LRRIQ3: variants seen among roughly 807,000 people sequenced by gnomAD.
LRRIQ3 encodes the protein leucine rich repeats and IQ motif containing 3.
LRRIQ3 carries 75 observed loss-of-function variants against 59.3 expected under a neutral mutation model. The observed-to-expected ratio is 1.26, with a 90% CI of 1.05 to 1.53. The LOEUF (loss-of-function observed/expected upper bound fraction) is 1.53, where lower values mean the gene tolerates loss of function less well. Among genes scored for constraint, LRRIQ3 ranks in the 40% most tolerant of loss-of-function variants. The probability of loss-of-function intolerance (pLI) is 0.00; values close to 1 mark genes in which losing one functional copy is unlikely to be tolerated. For missense variants in LRRIQ3, 831 were observed against 710.0 expected, an observed-to-expected ratio of 1.17 and a Z score of -1.94; for synonymous variants, 250 against 231.3, an observed-to-expected ratio of 1.08 and a Z score of -0.73.
intron 4 of LRRIQ3, among the ~76,000 whole-genome samples, chr1:74,140,413 T>C (rs1241490201): frequency 1.3e-5 from 2 of 151,712 alleles, no homozygotes; most frequent in East Asian, 1.9e-4. Flanking sequence ...GTTCAAAATA[T>C]GCAAAACAAA....
In LRRIQ3 at chr1:74,074,723, C is replaced by A. The variant is rs1646183002; in HGVS notation, c.935G>T (p.Cys312Phe). Reference protein sequence around the residue: ...EHRKHVSSILCELKPKDLGMK... With the variant: ...EHRKHVSSILFELKPKDLGMK... ...GCCTAGATCTTTTGGTTTTAATTCA[C>A]ATAAAATAGATGACACATGTTTTCT... The change falls in exon 6 of 8, where the codon TGT becomes TTT. Residue 312 changes from cysteine to phenylalanine, a missense_variant. Coordinates refer to ENST00000354431, the MANE Select transcript of LRRIQ3 (RefSeq NM_001105659.2). The A allele has an allele frequency of 6.9e-7, 1 of 1,458,930 alleles. No homozygotes were observed. Among genetic ancestry groups the A allele is most frequent in the Admixed American group, 2.1e-5 (1 of 48,322 alleles). The allele number at this position is 1,458,930 out of a possible 1,614,324, so 90.4% of individuals were successfully genotyped here.
intron 3 of LRRIQ3, among the ~76,000 whole-genome samples, chr1:74,159,436 C>T (rs1442645094): frequency 2.6e-5 from 4 of 152,074 alleles, no homozygotes; most frequent in East Asian, 1.9e-4. Flanking sequence ...TAATCATTAT[C>T]GTTGGCCTCC....
rs548817492 is a variant in LRRIQ3, at chr1:74,083,527, A to G, written c.868-8737T>C. 7 of 151,882 alleles carry G rather than the reference A, an allele frequency of 4.6e-5. No individual in the cohort carries two copies. The South Asian group carries it at 1.5e-3, about 31-fold the overall frequency. 9.4% of individuals were successfully genotyped at this position (151,882 alleles called of 1,614,324 possible). The stretch of plus-strand genomic sequence containing the variant: ...GACTGTAAGTCTCTCTGGGCTTTGT[A>G]GGTGAATTTTGTCAGCAAAACCCAG... On this transcript the variant is annotated intron_variant, in intron 5 of 7. Transcript: ENST00000354431.
chr1:74,122,870 A>G (rs1393501591), intron 4 of LRRIQ3, among the ~76,000 whole-genome samples: 1 of 152,160 alleles, frequency 6.6e-6, no homozygotes, highest in Non-Finnish European at 1.5e-5. Context: ...AGCAAAAGAA[A>G]CTACCATCAG....
At chr1:74,039,873 A>ACC (rs1653990283) in intron 7 of LRRIQ3, among the ~76,000 whole-genome samples, 1 of 152,324 alleles carries the variant, frequency 6.6e-6, no homozygotes, top group African/African-American at 2.4e-5. Flanking sequence ...AAGAAACTGT[A>ACC]CCAACTAGTG....
At chr1:74,164,047 T>C (rs969288969) in intron 3 of LRRIQ3, among the ~76,000 whole-genome samples, 1 of 151,592 alleles carries the variant, frequency 6.6e-6, no homozygotes, top group Non-Finnish European at 1.5e-5. Context: ...TACCCTTTGG[T>C]GAAATTCCTC....
intron 4 of LRRIQ3, among the ~76,000 whole-genome samples, chr1:74,112,620 A>T (rs1646713360): frequency 6.6e-6 from 1 of 152,140 alleles, no homozygotes; most frequent in Non-Finnish European, 1.5e-5. Flanking sequence ...TGATACTAAA[A>T]AAGTTCAGAC....
intron 3 of LRRIQ3, among the ~76,000 whole-genome samples, chr1:74,175,402 T>A (rs1201048812): frequency 6.6e-6 from 1 of 152,118 alleles, no homozygotes; most frequent in Non-Finnish European, 1.5e-5. Flanking sequence ...TCCCATATTC[T>A]GACTGAGGCA....
chr1:74,064,586 G>C (rs914253243), intron 6 of LRRIQ3, among the ~76,000 whole-genome samples: 3 of 151,964 alleles, frequency 2.0e-5, no homozygotes, highest in Non-Finnish European at 2.9e-5. Flanking sequence ...CACCTTCTAA[G>C]GCACATCTTT....
intron 5 of LRRIQ3, among the ~76,000 whole-genome samples, chr1:74,096,363 C>T (rs1646449601): frequency 1.3e-5 from 2 of 152,106 alleles, no homozygotes; most frequent in Non-Finnish European, 2.9e-5. Flanking sequence ...CCCTGAACTA[C>T]ACTTTGAGAA....
chr1:74,192,622 C>T (rs1403674929), intron 1 of LRRIQ3, among the ~76,000 whole-genome samples: 2 of 152,066 alleles, frequency 1.3e-5, no homozygotes, highest in African/African-American at 4.8e-5. Flanking sequence ...TTCATTTTCT[C>T]TATTAATATT....
At chr1:74,165,938 T>C (rs1648956821) in intron 3 of LRRIQ3, among the ~76,000 whole-genome samples, 1 of 151,590 alleles carries the variant, frequency 6.6e-6, no homozygotes, top group Non-Finnish European at 1.5e-5. Flanking sequence ...TAGTATATAT[T>C]TTTATATACT....
chr1:74,097,371 A>T (rs1276673411), intron 5 of LRRIQ3, among the ~76,000 whole-genome samples: 2 of 152,150 alleles, frequency 1.3e-5, no homozygotes, highest in East Asian at 3.9e-4. Flanking sequence ...AAAAGCGTTA[A>T]ATGAACAAAG....
intron 7 of LRRIQ3, among the ~76,000 whole-genome samples, chr1:74,028,744 A>G (rs1018567027): frequency 2.6e-5 from 4 of 152,024 alleles, no homozygotes; most frequent in Non-Finnish European, 5.9e-5. Flanking sequence ...GGACATTTCA[A>G]CTCACAGGGT....
intron 3 of LRRIQ3, among the ~76,000 whole-genome samples, chr1:74,158,624 T>C (rs188766854): frequency 1.3e-5 from 2 of 152,228 alleles, no homozygotes; most frequent in East Asian, 1.9e-4. Flanking sequence ...CATTTGTCAC[T>C]CTCGACAATG....
intron 4 of LRRIQ3, among the ~76,000 whole-genome samples, chr1:74,130,137 A>G (rs1417662697): frequency 6.6e-6 from 1 of 151,972 alleles, no homozygotes; most frequent in Non-Finnish European, 1.5e-5. Context: ...TGTCAACTCC[A>G]CTGACTCTGA....
intron 4 of LRRIQ3, among the ~76,000 whole-genome samples, chr1:74,148,750 T>C (rs1295724181): frequency 6.6e-6 from 1 of 152,166 alleles, no homozygotes; most frequent in Non-Finnish European, 1.5e-5. Flanking sequence ...CATAATATCA[T>C]TTGTCCTGCA....
intron 6 of LRRIQ3, among the ~76,000 whole-genome samples, chr1:74,064,696 C>A (rs1654820584): frequency 6.6e-6 from 1 of 151,920 alleles, no homozygotes; most frequent in South Asian, 2.1e-4. Flanking sequence ...TTGAAAGACA[C>A]TTTTTCTGGA....
chr1:74,101,776 G>A (rs528821005), intron 5 of LRRIQ3, among the ~76,000 whole-genome samples: 11 of 152,154 alleles, frequency 7.2e-5, no homozygotes, highest in African/African-American at 2.4e-4. Context: ...GGATGAAGCT[G>A]GAAACCATCA....
Sources: gnomAD v4.1 joint callset for allele counts (sites outside exome capture counted in the v4.1 genomes callset) on GRCh38, gnomAD v4.1.1 for gene constraint, MANE v1.5 for transcripts, NCBI Gene and HGNC (gene_info 2026-07-23, HGNC 2026-07-21) for gene names.